The following TRIM64C variants were observed in gnomAD, a reference collection of about 807,000 sequenced individuals.
TRIM64C encodes tripartite motif-containing protein 64C.
In TRIM64C, 25 loss-of-function variants were observed where a neutral mutation model predicts 36.1. The observed-to-expected ratio is 0.69, with a 90% CI of 0.51 to 0.97. The LOEUF is 0.97. Among genes scored for constraint, TRIM64C ranks in the 50% least tolerant of loss-of-function variants. TRIM64C has a pLI of 0.00. For synonymous variants in TRIM64C, 212 were observed against 185.7 expected, an observed-to-expected ratio of 1.14 and a Z score of -1.15; for missense variants, 489 against 536.8, an observed-to-expected ratio of 0.91 and a Z score of 0.88.
chr11:49,058,709 C>A lies in TRIM64C; in HGVS notation c.404G>T (p.Cys135Phe). The change falls in exon 1 of 6, where the codon TGC becomes TTC. Residue 135 changes from cysteine (C) to phenylalanine (F), a missense_variant. Physicochemically the swap from Cys to Phe is radical, Grantham distance 205. Transcript: ENST00000617704. ...HSPIGWAAEE[C>F]RVQKLIKEMD... ...TGCCTTAGAGGCATCACGTACCCTG[C>A]ATTCCTCAGCAGCCCATCCTATTGG... 6.5e-7 allele frequency: 1 copy of A among 1,545,756 alleles called. No homozygotes were observed.
At chr11:49,058,038 T>G (rs528274676) in intron 2 of TRIM64C, 40 bp downstream of exon 2, 21 of 1,383,674 alleles carry the variant, frequency 1.5e-5, no homozygotes, top group Non-Finnish European at 2.0e-5. Flanking sequence ...AACTTTGTGT[T>G]TATTTGCATA....
Position 49,053,995 on chromosome 11 carries a change from A to T in TRIM64C, c.1072T>A (p.Cys358Ser), listed in dbSNP as rs146783067. The change falls in exon 6 of 6, where the codon TGT (cysteine) becomes AGT (serine). Residue 358 changes from cysteine (C) to serine (S), a missense_variant. Cys to Ser is a moderately radical substitution (Grantham distance 112, BLOSUM62 -1). Coordinates refer to ENST00000617704, the MANE Select transcript of TRIM64C (RefSeq NM_001206631.1). Reference sequence around the variant, plus strand: ...GTATCTGCTGTCCTAGAATCTCGACAGACTCCCAGAATCCAGTTGGAGGAG... The same window carrying T: ...GTATCTGCTGTCCTAGAATCTCGACTGACTCCCAGAATCCAGTTGGAGGAG... ...THSSNWILGV[C>S]RDSRTADTNI... The T allele has an allele frequency of 6.4e-7, 1 of 1,551,622 alleles. No individual in the cohort carries two copies. The highest frequency in any genetic ancestry group is 2.4e-5 in the East Asian group (1 of 40,928).
At position 49,058,118 on chromosome 11, in the gene TRIM64C, T is replaced by C. The variant is rs1432380029; in HGVS notation, c.467A>G (p.Asn156Ser). 2.0e-6 allele frequency: 3 copies of C among 1,528,836 alleles called. No individual in the cohort carries two copies. Among genetic ancestry groups the C allele is most frequent in the African/African-American group, 2.8e-5 (2 of 72,270 alleles). The allele number at this position is 1,528,836 out of a possible 1,614,324, so 94.7% of individuals were successfully genotyped here. A position where few individuals can be genotyped will look rare whatever the true frequency, so the allele number is the denominator to read the frequency against. The change falls in exon 2 of 6, where the codon AAC (asparagine) becomes AGC (serine). Residue 156 changes from asparagine (N) to serine (S), a missense_variant. By Grantham distance (46) the Asn-to-Ser change is conservative. Transcript: ENST00000617704. ...TTTGCTAGTTTCCTGATTTAGATTG[T>C]TTTGTGTCTCTTGATTGATTTTCCA... ...YLWKINQETQ[N>S]NLNQETSKFC...
intron 1 of TRIM64C, 28 bp from the exon 2 acceptor site, chr11:49,058,200 A>G (rs1389157647): frequency 5.0e-6 from 7 of 1,388,456 alleles, no homozygotes; most frequent in Admixed American, 2.0e-5. Flanking sequence ...AAGCTTAGCA[A>G]TGATGAAGAC....
chr11:49,056,359 C>T lies in TRIM64C; in HGVS notation c.761G>A (p.Arg254Lys). 1 of 1,541,764 alleles carries T rather than the reference C, an allele frequency of 6.5e-7. No homozygotes were observed. Among genetic ancestry groups the T allele is most frequent in the Non-Finnish European group, 8.8e-7 (1 of 1,140,768 alleles). ...LLQDVGNISA[R>K]TDLAQMPKPQ... ...AGCATTTTTTTTAGTGTAAACTCAC[C>T]TTGCCGATATATTTCCCACATCCTG... Residue 254 changes from arginine to lysine, a missense_variant and splice_region_variant, in exon 4 of 6, where the codon AGA becomes AAA. Arg to Lys is a conservative substitution (Grantham distance 26, BLOSUM62 2). Transcript: ENST00000617704.
intron 5 of TRIM64C, among the ~76,000 whole-genome samples, chr11:49,054,899 A>G (rs1418044843): frequency 6.6e-6 from 1 of 152,188 alleles, no homozygotes; most frequent in Non-Finnish European, 1.5e-5. Flanking sequence ...TGATTTTGTA[A>G]ATAATAAAAA....
chr11:49,054,224 A>T lies in TRIM64C; in HGVS notation c.860-17T>A, dbSNP rs1444681468. The stretch of plus-strand genomic sequence containing the variant: ...CATTATCCACTGACAAGGAAAAAAT[A>T]TTATATTAGTGAGTGCTATGAGGGA... On this transcript the variant is annotated splice_polypyrimidine_tract_variant and intron_variant, in intron 5 of 5. Transcript: ENST00000617704. 6.5e-7 allele frequency: 1 copy of T among 1,548,552 alleles called. No homozygotes were observed. Among genetic ancestry groups the T allele is most frequent in the African/African-American group, 1.4e-5 (1 of 73,010 alleles).
intron 3 of TRIM64C, among the ~76,000 whole-genome samples, 197 bp from the exon 4 acceptor site, chr11:49,056,578 G>T (rs1205709144): frequency 1.3e-5 from 2 of 151,856 alleles, no homozygotes; most frequent in Non-Finnish European, 2.9e-5. Flanking sequence ...GCATTAAGAC[G>T]AAATGAGCTC....
rs1854843715 is a variant in TRIM64C at position 49,058,684 on chromosome 11, T to A, written c.412+17A>T. ...ATTTGATATTCTGTATAATTCAAACTGCCTTAGAGGCATCACGTACCCTGC... is the reference window on the plus strand; with the variant it reads ...ATTTGATATTCTGTATAATTCAAACAGCCTTAGAGGCATCACGTACCCTGC... On this transcript the variant is annotated intron_variant, in intron 1 of 5. Coordinates refer to ENST00000617704, the MANE Select transcript of TRIM64C (RefSeq NM_001206631.1). 5 of 1,541,616 alleles carry A rather than the reference T, an allele frequency of 3.2e-6. No homozygotes were observed. Among genetic ancestry groups the A allele is most frequent in the East Asian group, 2.4e-5 (1 of 40,906 alleles).
chr11:49,057,292 C>A lies in TRIM64C; in HGVS notation c.594G>T (p.Leu198=). The part of the protein sequence containing the change: ...IFLDEEEQRH[L]QALEREAKEL... ...CTTTTGCTTCTCTTTCCAGTGCCTGCAGATGCCGTTGCTCCTCCTCATCGA... is the reference window on the plus strand; with the variant it reads ...CTTTTGCTTCTCTTTCCAGTGCCTGAAGATGCCGTTGCTCCTCCTCATCGA... The change falls in exon 3 of 6, where the codon CTG becomes CTT. Residue 198 remains leucine (L), a synonymous_variant. Coordinates refer to ENST00000617704, the MANE Select transcript of TRIM64C (RefSeq NM_001206631.1). The A allele has an allele frequency of 5.2e-6, 8 of 1,549,770 alleles. No individual in the cohort carries two copies. Among genetic ancestry groups the A allele is most frequent in the Non-Finnish European group, 7.0e-6 (8 of 1,146,964 alleles).
Position 49,053,895 on chromosome 11 carries a change from G to T in TRIM64C, c.1172C>A (p.Thr391Asn), listed in dbSNP as rs1378287994. Residue 391 changes from threonine to asparagine, a missense_variant, in exon 6 of 6, where the codon ACC (threonine) becomes AAC (asparagine). Coordinates refer to ENST00000617704, the MANE Select transcript of TRIM64C (RefSeq NM_001206631.1). Reference sequence around the variant, plus strand: ...ATACTGGATTAAAGGTGGAGAATTGGTGGAGAGACTATAGTGATTGCTCGT... The same window carrying T: ...ATACTGGATTAAAGGTGGAGAATTGTTGGAGAGACTATAGTGATTGCTCGT... ...SKTSNHYSLS[T>N]NSPPLIQYVQ... The T allele has an allele frequency of 6.4e-7, 1 of 1,551,604 alleles. No individual in the cohort carries two copies. Among genetic ancestry groups the T allele is most frequent in the African/African-American group, 1.4e-5 (1 of 73,044 alleles).
rs1441862073 is a variant in TRIM64C at position 49,053,853 on chromosome 11, C to A, written c.1214G>T (p.Gly405Val). 1 of 1,551,796 alleles carries A rather than the reference C, an allele frequency of 6.4e-7. No individual in the cohort carries two copies. The highest frequency in any genetic ancestry group is 2.4e-5 in the East Asian group (1 of 40,916). Residue 405 changes from glycine (G) to valine (V), a missense_variant, in exon 6 of 6, where the codon GGT becomes GTT. Gly to Val is a moderately radical substitution (Grantham distance 109). Transcript: ENST00000617704. ...PLIQYVQRPL[G>V]WVGVFLDYDN... ...ATAATCCAGAAACACCCCAACCCAA[C>A]CCAGAGGCCTTTGCACATACTGGAT...
rs1236935155 is a variant in TRIM64C at position 49,058,813 on chromosome 11, C to A, written c.300G>T (p.Glu100Asp). 1.9e-6 allele frequency: 3 copies of A among 1,549,076 alleles called. No individual in the cohort carries two copies. In the African/African-American group the frequency reaches 4.1e-5, roughly 21 times the overall value. Reference protein sequence around the residue: ...NICVLHEETKELFCEADKRLL... With the variant: ...NICVLHEETKDLFCEADKRLL... ...ATCTCTTGTCAGCCTCACAGAAGAG[C>A]TCCTTAGTCTCCTCATGGAGCACAC... Residue 100 changes from glutamate (E) to aspartate (D), a missense_variant, in exon 1 of 6, where the codon GAG becomes GAT. By Grantham distance (45) the Glu-to-Asp change is conservative. Coordinates refer to ENST00000617704, the MANE Select transcript of TRIM64C (RefSeq NM_001206631.1).
chr11:49,057,005 G>C, intron 3 of TRIM64C, 143 bp downstream of exon 3: 1 of 1,203,128 alleles, frequency 8.3e-7, no homozygotes, highest in Non-Finnish European at 1.2e-6. Flanking sequence ...AGTAATAAAT[G>C]ACTGGAAAAA....
intron 5 of TRIM64C, among the ~76,000 whole-genome samples, 156 bp from the exon 6 acceptor site, chr11:49,054,363 A>C (rs749384892): frequency 1.3e-5 from 2 of 152,244 alleles, no homozygotes; most frequent in Non-Finnish European, 2.9e-5. Context: ...AAATGTTATT[A>C]TACCTCTACA....
At position 49,058,987 on chromosome 11, in the gene TRIM64C, G is replaced by A; in HGVS notation, c.126C>T (p.Cys42=). The A allele has an allele frequency of 1.3e-6, 2 of 1,551,282 alleles. No individual in the cohort carries two copies. Among genetic ancestry groups the A allele is most frequent in the Non-Finnish European group, 1.7e-6 (2 of 1,146,838 alleles). ...GCATTGGTGCTCTGCCTTCTTCTGA[G>A]CAGAGGCAGAGGCAGGGCCTGCAAA... ...HSFCRPCLCL[C]SEEGRAPMRC... Residue 42 remains cysteine (C), a synonymous_variant, in exon 1 of 6, where the codon TGC becomes TGT. Transcript: ENST00000617704.
intron 5 of TRIM64C, 132 bp from the exon 6 acceptor site, chr11:49,054,339 C>T (rs1854788630): frequency 1.0e-6 from 1 of 984,416 alleles, no homozygotes; most frequent in Non-Finnish European, 1.5e-6. Flanking sequence ...CAGCCCCATG[C>T]ATCCATGAAG....
intron 4 of TRIM64C, among the ~76,000 whole-genome samples, chr11:49,055,700 A>C (rs1590644077): frequency 6.6e-6 from 1 of 152,234 alleles, no homozygotes; most frequent in African/African-American, 2.4e-5. Context: ...GAGGGTATGC[A>C]GAAATTCTGG....
Position 49,057,258 on chromosome 11 carries a change from G to C in TRIM64C, c.628C>G (p.Gln210Glu). 6.5e-7 allele frequency: 1 copy of C among 1,549,638 alleles called. No homozygotes were observed. Reference sequence around the variant, plus strand: ...CTCACTTGACTGTCTTGTAGTTGTTGGAAAAGCTCTTTTGCTTCTCTTTCC... The same window carrying C: ...CTCACTTGACTGTCTTGTAGTTGTTCGAAAAGCTCTTTTGCTTCTCTTTCC... ...ALEREAKELF[Q>E]QLQDSQVRMT... Residue 210 changes from glutamine to glutamate, a missense_variant, in exon 3 of 6, where the codon CAA (glutamine) becomes GAA (glutamate). By Grantham distance (29) the Gln-to-Glu change is conservative (BLOSUM62 2). Transcript: ENST00000617704.
Sources: gnomAD v4.1 joint callset for allele counts (sites outside exome capture counted in the v4.1 genomes callset) on GRCh38, gnomAD v4.1.1 for gene constraint, MANE v1.5 for transcripts, NCBI Gene and HGNC (gene_info 2026-07-23, HGNC 2026-07-21) for gene names.